The following PXDNL variants were observed in gnomAD, a reference collection of about 807,000 sequenced individuals.
The protein encoded by PXDNL is peroxidasin like, also known as probable oxidoreductase PXDNL.
Under a neutral mutation model 150.8 loss-of-function variants are expected in PXDNL, and 145 were observed. That is an observed-to-expected ratio of 0.96 (90% confidence interval 0.84 to 1.10). The LOEUF (loss-of-function observed/expected upper bound fraction) is 1.10, where lower values mean the gene tolerates loss of function less well. PXDNL is among the 50% of genes least tolerant of loss of function. The pLI, the probability that PXDNL is intolerant of heterozygous loss-of-function variation, is 0.00. For synonymous variants in PXDNL, 757 were observed against 725.7 expected, an observed-to-expected ratio of 1.04 and a Z score of -0.69; for missense variants, 2,087 against 1,873.9, an observed-to-expected ratio of 1.11 and a Z score of -2.10.
Position 51,320,258 on chromosome 8 carries a change from T to C in PXDNL, c.4261-236A>G, listed in dbSNP as rs1805277621. Among the ~76,000 whole-genome samples, 6 of 152,212 alleles carry C rather than the reference T, an allele frequency of 3.9e-5. No homozygotes were observed. The South Asian group carries it at 1.2e-3, about 31-fold the overall frequency. On this transcript the variant is annotated intron_variant, in intron 22 of 22. Coordinates refer to ENST00000356297, the MANE Select transcript of PXDNL (RefSeq NM_144651.5). Reference sequence around the variant, plus strand: ...ATGTTACCTACCTTACTGTACCATATGGTAGGATTAGCTGAGGAAGTTCAT... The same window carrying C: ...ATGTTACCTACCTTACTGTACCATACGGTAGGATTAGCTGAGGAAGTTCAT...
intron 1 of PXDNL, among the ~76,000 whole-genome samples, chr8:51,746,883 A>C (rs1183785584): frequency 6.6e-6 from 1 of 151,876 alleles, no homozygotes; most frequent in African/African-American, 2.4e-5. Flanking sequence ...CACCACACCC[A>C]GTTAACTTTT....
chr8:51,779,467 G>C (rs1408364640), intron 1 of PXDNL, among the ~76,000 whole-genome samples: 1 of 152,226 alleles, frequency 6.6e-6, no homozygotes, highest in Non-Finnish European at 1.5e-5. Context: ...AGGCCCAGTG[G>C]AGATGGCACA....
chr8:51,419,649 C>A lies in PXDNL; in HGVS notation c.1795+3926G>T, dbSNP rs62506900. Among the ~76,000 whole-genome samples the A allele has an allele frequency of 3.9e-5, 6 of 152,096 alleles. No homozygotes were observed. The South Asian group carries it at 8.3e-4, about 21-fold the overall frequency. On this transcript the variant is annotated intron_variant, in intron 14 of 22. Transcript: ENST00000356297. The stretch of plus-strand genomic sequence containing the variant: ...TCAAACCGAATCATTTTCACGAGGA[C>A]GAAATGAGTCTATACTTCACAGCAC...
intron 17 of PXDNL, among the ~76,000 whole-genome samples, chr8:51,397,164 C>A (rs968228495): frequency 2.6e-5 from 4 of 152,178 alleles, no homozygotes; most frequent in Admixed American, 2.6e-4. Context: ...AACTGCGGAC[C>A]ATTCTTGTAC....
At chr8:51,359,340 T>G (rs1489509455) in intron 19 of PXDNL, among the ~76,000 whole-genome samples, 1 of 152,148 alleles carries the variant, frequency 6.6e-6, no homozygotes, top group Non-Finnish European at 1.5e-5. Context: ...GTCATAAAAC[T>G]TAAACAGATG....
intron 3 of PXDNL, among the ~76,000 whole-genome samples, chr8:51,561,362 G>A (rs1391574031): frequency 6.6e-6 from 1 of 151,860 alleles, no homozygotes; most frequent in East Asian, 1.9e-4. Flanking sequence ...AGTGTCCATT[G>A]GAGAGTGAAT....
At chr8:51,735,468 G>C (rs868247942) in intron 1 of PXDNL, among the ~76,000 whole-genome samples, 3 of 150,206 alleles carry the variant, frequency 2.0e-5, no homozygotes, top group African/African-American at 7.4e-5. Flanking sequence ...CTGGGCAAGA[G>C]AGCAAGACTG....
chr8:51,735,310 G>A (rs1817009377), intron 1 of PXDNL, among the ~76,000 whole-genome samples: 1 of 151,344 alleles, frequency 6.6e-6, no homozygotes, highest in Non-Finnish European at 1.5e-5. Flanking sequence ...GTGAGACCCT[G>A]TATCTACTAA....
At chr8:51,639,893 G>A (rs75830773) in intron 2 of PXDNL, among the ~76,000 whole-genome samples, 59,340 of 151,644 alleles carry the variant, frequency 0.39, 14,344 homozygotes, top group African/African-American at 0.69. Flanking sequence ...AGGAAGAGAC[G>A]CAACCAAAAA....
At chr8:51,583,348 G>A (rs1813252099) in intron 3 of PXDNL, among the ~76,000 whole-genome samples, 1 of 152,102 alleles carries the variant, frequency 6.6e-6, no homozygotes, top group Non-Finnish European at 1.5e-5. Context: ...GAGAAAGGAA[G>A]CAAAAGCTTC....
chr8:51,614,436 G>A lies in PXDNL; in HGVS notation c.237-21738C>T, dbSNP rs531847706. 6.6e-5 allele frequency among the ~76,000 whole-genome samples: 10 copies of A among 152,256 alleles called. No individual in the cohort carries two copies. The South Asian group carries it at 1.2e-3, about 19-fold the overall frequency. ...GCAAACTCCAAGCTATAACCAATCTGGCTGTTTCTCTACCTCACTTACATT... is the reference window on the plus strand; with the variant it reads ...GCAAACTCCAAGCTATAACCAATCTAGCTGTTTCTCTACCTCACTTACATT... On this transcript the variant is annotated intron_variant, in intron 2 of 22. Transcript: ENST00000356297.
chr8:51,650,065 G>A (rs1051180751), intron 2 of PXDNL, among the ~76,000 whole-genome samples: 3 of 133,154 alleles, frequency 2.3e-5, no homozygotes, highest in Admixed American at 8.5e-5. Context: ...ATCTGCTACC[G>A]TACTCCAGCC....
At chr8:51,503,916 G>T (rs1264397905) in intron 4 of PXDNL, among the ~76,000 whole-genome samples, 4 of 152,060 alleles carry the variant, frequency 2.6e-5, no homozygotes, top group Non-Finnish European at 4.4e-5. Context: ...GATGTCTCAA[G>T]GAACCTCAAA....
At chr8:51,449,162 A>G in intron 10 of PXDNL, 44 bp from the exon 11 acceptor site, 11 of 1,081,992 alleles carry the variant, frequency 1.0e-5, no homozygotes, top group Non-Finnish European at 1.5e-5. Flanking sequence ...ATTATTTTAC[A>G]AATTTTCAGT....
chr8:51,769,976 C>T (rs1160471495), intron 1 of PXDNL, among the ~76,000 whole-genome samples: 1 of 152,174 alleles, frequency 6.6e-6, no homozygotes, highest in Non-Finnish European at 1.5e-5. Context: ...CCAAAATCTC[C>T]ACCCTCAGAT....
intron 4 of PXDNL, among the ~76,000 whole-genome samples, chr8:51,501,335 T>A (rs1811171629): frequency 7.4e-6 from 1 of 135,746 alleles, no homozygotes; most frequent in South Asian, 2.3e-4. Flanking sequence ...CATACTTTCA[T>A]ACTGACACAC....
chr8:51,380,758 T>A (rs1321548281), intron 17 of PXDNL, among the ~76,000 whole-genome samples: 1 of 152,220 alleles, frequency 6.6e-6, no homozygotes, highest in Non-Finnish European at 1.5e-5. Context: ...AATTAATGCT[T>A]ACAGTGTATT....
At chr8:51,325,422 C>T (rs532374598) in intron 21 of PXDNL, among the ~76,000 whole-genome samples, 25 of 152,236 alleles carry the variant, frequency 1.6e-4, no homozygotes, top group African/African-American at 3.9e-4. Context: ...CCTTGGCCTC[C>T]GTTGACACAC....
rs1010675936 is a variant in PXDNL at position 51,600,497 on chromosome 8, G to T, written c.237-7799C>A. Among the ~76,000 whole-genome samples, 4 of 133,174 alleles carry T rather than the reference G, an allele frequency of 3.0e-5. 1 individual carries two copies. The highest frequency in any genetic ancestry group is 1.1e-4 in the African/African-American group (4 of 35,768). The allele number at this position is 133,174 out of a possible 152,430, so 87.4% of individuals were successfully genotyped here. On this transcript the variant is annotated intron_variant, in intron 2 of 22. Transcript: ENST00000356297. ...TATCTTATATAAATTATATCGTTTA[G>T]ATAATAAATTATATCTTATATAAAT...
Sources: gnomAD v4.1 joint callset for allele counts (sites outside exome capture counted in the v4.1 genomes callset) on GRCh38, gnomAD v4.1.1 for gene constraint, MANE v1.5 for transcripts, NCBI Gene and HGNC (gene_info 2026-07-23, HGNC 2026-07-21) for gene names.